SCFD2: variants seen among roughly 807,000 people sequenced by gnomAD.
SCFD2 encodes sec1 family domain-containing protein 2.
In SCFD2, 54 loss-of-function variants were observed where a neutral mutation model predicts 58.9. The observed-to-expected ratio is 0.92, with a 90% CI of 0.74 to 1.15. The LOEUF (loss-of-function observed/expected upper bound fraction) is 1.15, where lower values mean the gene tolerates loss of function less well. SCFD2 is among the 50% of genes most tolerant of loss of function. SCFD2 has a pLI of 0.00. For synonymous variants in SCFD2, 321 were observed against 335.9 expected (o/e 0.96, Z 0.49); for missense variants, 805 against 836.6 (o/e 0.96, Z 0.47).
chr4:52,894,532 A>C (rs991978929), intron 7 of SCFD2, among the ~76,000 whole-genome samples: 43 of 152,220 alleles, frequency 2.8e-4, no homozygotes, highest in African/African-American at 1.0e-3. Context: ...GTATGTCTTG[A>C]TTTATTTGTT....
chr4:53,250,145 G>A (rs1182255444), intron 4 of SCFD2, among the ~76,000 whole-genome samples: 1 of 152,172 alleles, frequency 6.6e-6, no homozygotes, highest in Non-Finnish European at 1.5e-5. Context: ...GGCAAGGGTT[G>A]CAACCCTAGT....
At chr4:53,279,583 A>C (rs1454570373) in intron 3 of SCFD2, among the ~76,000 whole-genome samples, 1 of 152,248 alleles carries the variant, frequency 6.6e-6, no homozygotes, top group Admixed American at 6.5e-5. Context: ...AAAGGATTTA[A>C]TATTATGTCA....
chr4:53,269,602 T>C (rs769519201), intron 4 of SCFD2, among the ~76,000 whole-genome samples: 7 of 152,260 alleles, frequency 4.6e-5, no homozygotes, highest in Middle Eastern at 3.4e-3. Context: ...TTTTGGAGTA[T>C]TTTACTTTTA....
intron 7 of SCFD2, among the ~76,000 whole-genome samples, chr4:52,892,463 C>T (rs1409218660): frequency 6.6e-6 from 1 of 152,200 alleles, no homozygotes; most frequent in Non-Finnish European, 1.5e-5. Context: ...GTCAAAACTC[C>T]AGCCCTCTGG....
chr4:53,341,135 G>A (rs544639775), intron 2 of SCFD2, among the ~76,000 whole-genome samples: 8 of 152,096 alleles, frequency 5.3e-5, no homozygotes, highest in African/African-American at 1.2e-4. Context: ...GAGAGAAGGC[G>A]GCTTTAGATG....
At position 53,148,337 on chromosome 4, in the gene SCFD2, T is replaced by A. The variant is rs1303752977; in HGVS notation, c.1312-2755A>T. The stretch of plus-strand genomic sequence containing the variant: ...AAAATCTCTCACTAGTGATACCCTA[T>A]CAGTATTCTGTTGTACATGCCAATT... On this transcript the variant is annotated intron_variant, in intron 4 of 8. Transcript: ENST00000401642. Among the ~76,000 whole-genome samples the A allele has an allele frequency of 2.0e-5, 3 of 152,282 alleles. 1 individual carries two copies. The highest frequency in any genetic ancestry group is 1.5e-5 in the Non-Finnish European group (1 of 68,004).
chr4:53,202,329 T>C (rs1243603262), intron 4 of SCFD2, among the ~76,000 whole-genome samples: 3 of 152,186 alleles, frequency 2.0e-5, no homozygotes, highest in Non-Finnish European at 4.4e-5. Context: ...AAAGATCAGA[T>C]AGCTGTAGAT....
rs137978064 is a variant in SCFD2 at position 52,905,875 on chromosome 4, G to C, written c.1842+1582C>G. ...TCATCAAACAGTGACAGAAAATGCA[G>C]GTGGATATTCCTTACACAACACGAC... On this transcript the variant is annotated intron_variant, in intron 7 of 8. Transcript: ENST00000401642. Among the ~76,000 whole-genome samples the C allele has an allele frequency of 2.1e-3, 326 of 152,284 alleles. 1 individual carries two copies. The highest frequency in any genetic ancestry group is 0.01 in the Middle Eastern group (3 of 294).
At chr4:52,925,565 C>T (rs1341123064) in intron 5 of SCFD2, among the ~76,000 whole-genome samples, 3 of 152,050 alleles carry the variant, frequency 2.0e-5, no homozygotes, top group Non-Finnish European at 1.5e-5. Context: ...CCTGGTTGCA[C>T]AGCCTCCTTT....
At chr4:52,947,476 G>A (rs1050253403) in intron 5 of SCFD2, among the ~76,000 whole-genome samples, 1 of 152,140 alleles carries the variant, frequency 6.6e-6, no homozygotes, top group Non-Finnish European at 1.5e-5. Flanking sequence ...ACACCTATGC[G>A]AGAGCATATG....
intron 5 of SCFD2, among the ~76,000 whole-genome samples, chr4:53,138,134 A>T (rs1725998622): frequency 6.6e-6 from 1 of 152,208 alleles, no homozygotes; most frequent in Non-Finnish European, 1.5e-5. Flanking sequence ...GGAGAAAAAT[A>T]GCCTATTTAT....
Position 53,156,720 on chromosome 4 carries a change from C to A in SCFD2, c.1312-11138G>T, listed in dbSNP as rs189937729. On this transcript the variant is annotated intron_variant, in intron 4 of 8. Transcript: ENST00000401642. ...CTCAAAACAAACAAAGAGCTCATGACAAAGCGGTCAAACTTATTAATCTTA... is the reference window on the plus strand; with the variant it reads ...CTCAAAACAAACAAAGAGCTCATGAAAAAGCGGTCAAACTTATTAATCTTA... Among the ~76,000 whole-genome samples, 310 of 152,292 alleles carry A rather than the reference C, an allele frequency of 2.0e-3. 1 individual carries two copies. The highest frequency in any genetic ancestry group is 7.1e-3 in the African/African-American group (297 of 41,582).
intron 7 of SCFD2, among the ~76,000 whole-genome samples, chr4:52,906,333 A>G (rs1364019635): frequency 6.6e-6 from 1 of 152,228 alleles, no homozygotes; most frequent in East Asian, 1.9e-4. Context: ...ATGCCTGTGA[A>G]TGAAAGAAAA....
intron 5 of SCFD2, among the ~76,000 whole-genome samples, chr4:53,056,126 C>CTT (rs34952397): frequency 8.2e-4 from 113 of 137,276 alleles, no homozygotes; most frequent in Non-Finnish European, 1.1e-3. Flanking sequence ...TGTAACGTAG[C>CTT]TTTTTTTTTT....
At chr4:53,095,039 G>T (rs1724578460) in intron 5 of SCFD2, among the ~76,000 whole-genome samples, 1 of 151,976 alleles carries the variant, frequency 6.6e-6, no homozygotes, top group African/African-American at 2.4e-5. Context: ...TAATTCATTG[G>T]TTGCTGCTTC....
At chr4:53,345,642 G>C (rs2200051) in intron 2 of SCFD2, among the ~76,000 whole-genome samples, 1 of 151,836 alleles carries the variant, frequency 6.6e-6, no homozygotes, top group African/African-American at 2.4e-5. Flanking sequence ...AAAGACACAC[G>C]CACATGTATG....
intron 5 of SCFD2, among the ~76,000 whole-genome samples, chr4:53,137,030 A>T (rs1351569153): frequency 6.6e-6 from 1 of 152,230 alleles, no homozygotes; most frequent in Non-Finnish European, 1.5e-5. Flanking sequence ...TCTGTTAGAG[A>T]AGTCTGTAAT....
chr4:53,178,245 C>T (rs1727411587), intron 4 of SCFD2, among the ~76,000 whole-genome samples: 2 of 152,148 alleles, frequency 1.3e-5, no homozygotes, highest in South Asian at 2.1e-4. Context: ...TGGGAGGCAC[C>T]CCTCAGTAGG....
At chr4:52,937,435 A>T (rs1274196056) in intron 5 of SCFD2, among the ~76,000 whole-genome samples, 1 of 152,194 alleles carries the variant, frequency 6.6e-6, no homozygotes, top group East Asian at 1.9e-4. Flanking sequence ...TCTTAGGCTG[A>T]TAAGTGGACT....
Sources: allele counts gnomAD v4.1 joint callset (sites outside exome capture counted in the v4.1 genomes callset), GRCh38; gene constraint gnomAD v4.1.1; transcripts MANE v1.5; gene names NCBI Gene and HGNC (gene_info 2026-07-23, HGNC 2026-07-21).